EHBP1: variants seen among roughly 807,000 people sequenced by gnomAD.
The protein encoded by EHBP1 is EH domain-binding protein 1.
EHBP1 carries 55 observed loss-of-function variants against 144.0 expected under a neutral mutation model. The observed-to-expected ratio is 0.38, with a 90% CI of 0.31 to 0.48. The LOEUF (loss-of-function observed/expected upper bound fraction) is 0.48, where lower values mean the gene tolerates loss of function less well. Among genes scored for constraint, EHBP1 ranks in the 20% least tolerant of loss-of-function variants. The pLI, the probability that EHBP1 is intolerant of heterozygous loss-of-function variation, is 0.98. For synonymous variants in EHBP1, 469 were observed against 472.7 expected (o/e 0.99, Z 0.10); for missense variants, 1,200 against 1,364.2 (o/e 0.88, Z 1.90).
At chr2:62,862,350 T>TGTA (rs1355947473) in intron 8 of EHBP1, among the ~76,000 whole-genome samples, 2 of 152,220 alleles carry the variant, frequency 1.3e-5, no homozygotes, top group Non-Finnish European at 2.9e-5. Context: ...GGCTCACACC[T>TGTA]GTAATCCCAG....
intron 2 of EHBP1, among the ~76,000 whole-genome samples, chr2:62,715,229 C>G (rs2035546226): frequency 6.6e-6 from 1 of 152,120 alleles, no homozygotes; most frequent in Non-Finnish European, 1.5e-5. Flanking sequence ...ATTCTTCTGC[C>G]TCGGCCTCCC....
At position 62,724,135 on chromosome 2, in the gene EHBP1, C is replaced by A. The variant is rs184521997; in HGVS notation, c.104+16840C>A. 2.1e-3 allele frequency among the ~76,000 whole-genome samples: 315 copies of A among 152,326 alleles called. 3 individuals carry two copies. The highest frequency in any genetic ancestry group is 6.6e-3 in the African/African-American group (276 of 41,570). Reference sequence around the variant, plus strand: ...GTGAGTCATAGATTTGGTCTCTTCACATAATCCCATATTTCTCAGAGGTTT... The same window carrying A: ...GTGAGTCATAGATTTGGTCTCTTCAAATAATCCCATATTTCTCAGAGGTTT... On this transcript the variant is annotated intron_variant, in intron 2 of 22. Coordinates refer to ENST00000431489, the MANE Select transcript of EHBP1 (RefSeq NM_001142616.3).
At chr2:62,886,846 C>T (rs889060388) in intron 10 of EHBP1, among the ~76,000 whole-genome samples, 2 of 152,080 alleles carry the variant, frequency 1.3e-5, no homozygotes, top group East Asian at 1.9e-4. Flanking sequence ...GACTCAACTA[C>T]CTTTTTAAAA....
At chr2:62,703,490 C>T (rs1385669776), upstream of EHBP1, among the ~76,000 whole-genome samples, 2 of 152,160 alleles carry the variant, frequency 1.3e-5, no homozygotes, top group East Asian at 1.9e-4. Context: ...GAAGAAGTAG[C>T]TGCTCTGTAG....
At chr2:62,835,904 G>T (rs971434491) in intron 7 of EHBP1, among the ~76,000 whole-genome samples, 2 of 152,128 alleles carry the variant, frequency 1.3e-5, no homozygotes, top group African/African-American at 2.4e-5. Context: ...AGGTGGCAGC[G>T]AGGCTGGGGG....
chr2:62,797,303 T>C (rs1210566414), intron 5 of EHBP1, among the ~76,000 whole-genome samples: 1 of 152,240 alleles, frequency 6.6e-6, no homozygotes, highest in African/African-American at 2.4e-5. Flanking sequence ...GATGCCACAC[T>C]AGACACATCC....
chr2:62,909,452 G>C (rs2054037872), intron 10 of EHBP1, among the ~76,000 whole-genome samples: 2 of 152,202 alleles, frequency 1.3e-5, no homozygotes, highest in Admixed American at 6.5e-5. Flanking sequence ...CAAAGTGCTG[G>C]GATTCAGGTG....
chr2:62,688,140 G>T (rs1403270613), intron 1 of EHBP1, among the ~76,000 whole-genome samples: 3 of 152,130 alleles, frequency 2.0e-5, no homozygotes, highest in African/African-American at 7.2e-5. Flanking sequence ...GTTTGAGAGA[G>T]AATTACTGAA....
chr2:63,001,056 A>G (rs1294239144), intron 19 of EHBP1, among the ~76,000 whole-genome samples: 1 of 152,156 alleles, frequency 6.6e-6, no homozygotes, highest in Non-Finnish European at 1.5e-5. Context: ...GGGCCCTTTT[A>G]CTATAGTGCT....
At chr2:63,013,382 C>T (rs569906509) in intron 19 of EHBP1, among the ~76,000 whole-genome samples, 24 of 152,292 alleles carry the variant, frequency 1.6e-4, no homozygotes, top group African/African-American at 5.8e-4. Flanking sequence ...GATTCACACA[C>T]AGTCCTTTCC....
chr2:62,742,778 A>G (rs1037688853), intron 2 of EHBP1, among the ~76,000 whole-genome samples: 1 of 152,130 alleles, frequency 6.6e-6, no homozygotes, highest in African/African-American at 2.4e-5. Context: ...AAACAAATTA[A>G]TTTAGTTGTT....
chr2:62,731,135 A>G (rs1244506863), intron 2 of EHBP1, among the ~76,000 whole-genome samples: 4 of 151,784 alleles, frequency 2.6e-5, no homozygotes, highest in African/African-American at 7.3e-5. Flanking sequence ...TTGGATTTAT[A>G]CCTAAGTATT....
intron 7 of EHBP1, among the ~76,000 whole-genome samples, chr2:62,841,977 T>G (rs6714241): frequency 0.53 from 80,159 of 151,902 alleles, 21,409 homozygotes; most frequent in Middle Eastern, 0.75. Flanking sequence ...GGAGCCTGCA[T>G]ATTTGTTATC....
chr2:62,771,309 A>G, intron 4 of EHBP1, 30 bp from the exon 5 acceptor site: 1 of 1,556,380 alleles, frequency 6.4e-7, no homozygotes, highest in Non-Finnish European at 8.8e-7. Flanking sequence ...ATGTATTTCA[A>G]TTCCATTTCA....
chr2:63,032,874 A>G (rs2061320908), intron 19 of EHBP1, among the ~76,000 whole-genome samples: 1 of 152,152 alleles, frequency 6.6e-6, no homozygotes, highest in African/African-American at 2.4e-5. Flanking sequence ...GCTTCAACCA[A>G]AGGAGACAGG....
chr2:62,680,937 A>T (rs2054836), intron 1 of EHBP1, among the ~76,000 whole-genome samples: 26,380 of 152,090 alleles, frequency 0.17, 2,555 homozygotes, highest in Middle Eastern at 0.29. Flanking sequence ...CTACCCTATC[A>T]TACTGGGAGG....
chr2:62,738,980 T>C (rs1215788654), intron 2 of EHBP1, among the ~76,000 whole-genome samples: 1 of 152,230 alleles, frequency 6.6e-6, no homozygotes, highest in Non-Finnish European at 1.5e-5. Context: ...AGAGGGAGAC[T>C]GTACAAAGCT....
chr2:62,993,681 T>C lies in EHBP1; in HGVS notation c.2872+13T>C. The C allele has an allele frequency of 6.5e-7, 1 of 1,533,112 alleles. No homozygotes were observed. The highest frequency in any genetic ancestry group is 2.3e-5 in the East Asian group (1 of 43,936). The allele number at this position is 1,533,112 out of a possible 1,614,324, so 95.0% of individuals were successfully genotyped here. On this transcript the variant is annotated intron_variant, in intron 17 of 22. Transcript: ENST00000431489. ...GAGAATAGACCAGGTAGAACACTTTTTAAAATGTTTTTCCATGTTATGGTT... is the reference window on the plus strand; with the variant it reads ...GAGAATAGACCAGGTAGAACACTTTCTAAAATGTTTTTCCATGTTATGGTT...
intron 9 of EHBP1, among the ~76,000 whole-genome samples, chr2:62,866,196 C>G (rs2050020711): frequency 6.6e-6 from 1 of 152,228 alleles, no homozygotes; most frequent in South Asian, 2.1e-4. Flanking sequence ...GAAAGCTGTT[C>G]TAGGCCTACC....
Sources: gnomAD v4.1 joint callset for allele counts (sites outside exome capture counted in the v4.1 genomes callset) on GRCh38, gnomAD v4.1.1 for gene constraint, MANE v1.5 for transcripts, NCBI Gene and HGNC (gene_info 2026-07-23, HGNC 2026-07-21) for gene names.